CGNL1: variants seen among roughly 807,000 people sequenced by gnomAD.
CGNL1 encodes cingulin like 1.
In CGNL1, 132 loss-of-function variants were observed where a neutral mutation model predicts 141.2. The ratio of observed to expected loss-of-function variants is 0.93; its 90% confidence interval spans 0.81 to 1.08. The LOEUF is 1.08. Ranked by LOEUF, CGNL1 falls within the 50% of genes least tolerant of loss-of-function variation. CGNL1 has a pLI of 0.00. For synonymous variants in CGNL1, 690 were observed against 622.1 expected (o/e 1.11, Z -1.63); for missense variants, 1,870 against 1,588.6 (o/e 1.18, Z -3.01).
At chr15:57,476,661 G>A (rs1595745600) in intron 8 of CGNL1, among the ~76,000 whole-genome samples, 1 of 152,150 alleles carries the variant, frequency 6.6e-6, no homozygotes, top group East Asian at 1.9e-4. Context: ...TTAGAATTCT[G>A]GAAATGTGGG....
Position 57,522,950 on chromosome 15 carries a change from C to A in CGNL1, c.2716-539C>A, listed in dbSNP as rs568170579. 7.5e-4 allele frequency among the ~76,000 whole-genome samples: 115 copies of A among 152,322 alleles called. 1 individual carries two copies. The highest frequency in any genetic ancestry group is 2.1e-3 in the South Asian group (10 of 4,830). On this transcript the variant is annotated intron_variant, in intron 10 of 18. Transcript: ENST00000281282. ...TTTTTGCCTGTGTCTGAGTCCAATTCATGGATTTTGTTGATGACAACTGCC... is the reference window on the plus strand; with the variant it reads ...TTTTTGCCTGTGTCTGAGTCCAATTAATGGATTTTGTTGATGACAACTGCC...
chr15:57,546,841 G>A (rs1325900972), intron 18 of CGNL1, among the ~76,000 whole-genome samples: 2 of 152,086 alleles, frequency 1.3e-5, no homozygotes, highest in Non-Finnish European at 2.9e-5. Context: ...TGGCTGTGAC[G>A]TGGGGCTCTT....
In CGNL1 at chr15:57,425,052, TGA is replaced by T. The variant is rs1261379817; in HGVS notation, c.-15-12930_-15-12929del. ...ACATTAAGTGAACACTAAGAATCGT[TGA>T]GATTTTTTTTTCTTTAGAGGCATCT... On this transcript the variant is annotated intron_variant, in intron 1 of 18. Coordinates refer to ENST00000281282, the MANE Select transcript of CGNL1 (RefSeq NM_032866.5). Among the ~76,000 whole-genome samples the T allele has an allele frequency of 1.8e-3, 280 of 152,326 alleles. 1 individual carries two copies. Among genetic ancestry groups the T allele is most frequent in the African/African-American group, 6.6e-3 (275 of 41,578 alleles).
At chr15:57,455,983 T>C (rs1169249080) in intron 7 of CGNL1, among the ~76,000 whole-genome samples, 1 of 152,244 alleles carries the variant, frequency 6.6e-6, no homozygotes, top group East Asian at 1.9e-4. Context: ...TTCTGCAAGA[T>C]GAGTTAGAGT....
At position 57,470,049 on chromosome 15, in the gene CGNL1, C is replaced by A. The variant is rs532477909; in HGVS notation, c.2403+8157C>A. Among the ~76,000 whole-genome samples, 6 of 152,276 alleles carry A rather than the reference C, an allele frequency of 3.9e-5. No individual in the cohort carries two copies. In the South Asian group the frequency reaches 1.2e-3, roughly 32 times the overall value. On this transcript the variant is annotated intron_variant, in intron 8 of 18. Transcript: ENST00000281282. ...CAGCAAAAATTCCTCATTTCCTCTG[C>A]ATTTTAACTTCAAATAATCAACTTA... is the stretch of plus-strand genomic sequence containing the variant.
chr15:57,467,766 T>G (rs994603081), intron 8 of CGNL1, among the ~76,000 whole-genome samples: 2 of 145,870 alleles, frequency 1.4e-5, no homozygotes, highest in African/African-American at 5.0e-5. Flanking sequence ...CTTGACTCAC[T>G]GCAACCTCTG....
intron 13 of CGNL1, among the ~76,000 whole-genome samples, chr15:57,529,845 A>G (rs1052618517): frequency 6.6e-6 from 1 of 152,236 alleles, no homozygotes; most frequent in African/African-American, 2.4e-5. Context: ...AGCTGTTTAT[A>G]TCTAGGGAGT....
At chr15:57,408,714 G>A (rs1291005272) in intron 1 of CGNL1, among the ~76,000 whole-genome samples, 6 of 151,900 alleles carry the variant, frequency 3.9e-5, no homozygotes, top group South Asian at 2.1e-4. Flanking sequence ...GTTCGTAGAC[G>A]CCCTTTTTAT....
chr15:57,452,227 G>A lies in CGNL1; in HGVS notation c.1992G>A (p.Glu664=). 6.2e-7 allele frequency: 1 copy of A among 1,613,840 alleles called. No homozygotes were observed. The highest frequency in any genetic ancestry group is 8.5e-7 in the Non-Finnish European group (1 of 1,179,770). Residue 664 remains glutamate (E), a synonymous_variant, in exon 6 of 19, where the codon GAG becomes GAA. Coordinates refer to ENST00000281282, the MANE Select transcript of CGNL1 (RefSeq NM_032866.5). ...GCCAACACAACGAAAAGGTGGAGGA[G>A]AACTCCACATTGCAGCAACGACTGG... The part of the protein sequence containing the change: ...LRSQHNEKVE[E]NSTLQQRLEE...
At chr15:57,478,151 C>T (rs1179531510) in intron 8 of CGNL1, 1 of 152,188 alleles carries the variant, frequency 6.6e-6, no homozygotes, top group African/African-American at 2.4e-5. Context: ...GCAGCCAGGA[C>T]CGTGGGCTCA....
At chr15:57,378,862 G>C (rs1028759422) in intron 1 of CGNL1, among the ~76,000 whole-genome samples, 2 of 152,170 alleles carry the variant, frequency 1.3e-5, no homozygotes, top group African/African-American at 4.8e-5. Flanking sequence ...CCACGACCAT[G>C]CTCTGCTGCT....
chr15:57,438,401 C>A lies in CGNL1; in HGVS notation c.402C>A (p.Asp134Glu). ...EGKNGVLDRKDGSVKPSHLLN... is the reference protein window; with the variant it reads ...EGKNGVLDRKEGSVKPSHLLN... ...AGAATGGAGTTCTAGATCGCAAAGA[C>A]GGGTCTGTGAAGCCATCTCACCTGC... Residue 134 changes from aspartate to glutamate, a missense_variant, in exon 2 of 19, where the codon GAC becomes GAA. Coordinates refer to ENST00000281282, the MANE Select transcript of CGNL1 (RefSeq NM_032866.5). 6.2e-7 allele frequency: 1 copy of A among 1,614,182 alleles called. No individual in the cohort carries two copies. Among genetic ancestry groups the A allele is most frequent in the Non-Finnish European group, 8.5e-7 (1 of 1,180,020 alleles).
intron 1 of CGNL1, among the ~76,000 whole-genome samples, chr15:57,399,803 G>T (rs1358757601): frequency 6.6e-6 from 1 of 151,998 alleles, no homozygotes; most frequent in African/African-American, 2.4e-5. Flanking sequence ...GATTGCTTCA[G>T]CCCAGGAGTT....
At position 57,465,383 on chromosome 15, in the gene CGNL1, CTTTTTTTT is replaced by C. The variant is rs11332989; in HGVS notation, c.2403+3509_2403+3516del. ...ACCAACCACTATGGCTAAAAACTGA[CTTTTTTTT>C]TTTTTTTTTTTTTTTTTAAGATGGA... On this transcript the variant is annotated intron_variant, in intron 8 of 18. Transcript: ENST00000281282. Among the ~76,000 whole-genome samples the C allele has an allele frequency of 4.8e-4, 39 of 80,854 alleles. 1 individual carries two copies. The highest frequency in any genetic ancestry group is 1.9e-3 in the Admixed American group (12 of 6,332). The allele number at this position is 80,854 out of a possible 152,430, so 53.0% of individuals were successfully genotyped here.
Position 57,550,226 on chromosome 15 carries a change from A to G in CGNL1, c.*2736A>G, listed in dbSNP as rs2033053117. The G allele has an allele frequency of 6.6e-6, 1 of 152,374 alleles. No individual in the cohort carries two copies. Among genetic ancestry groups the G allele is most frequent in the South Asian group, 2.1e-4 (1 of 4,816 alleles). 9.4% of individuals were successfully genotyped at this position (152,374 alleles called of 1,614,324 possible). On this transcript the variant is annotated 3_prime_UTR_variant, in exon 19 of 19. Transcript: ENST00000281282. ...AAGAGTTGAGACTGAAAGTTAAGAGAAGGGTTTTCAAGTCCCGGCTCATCT... is the reference window on the plus strand; with the variant it reads ...AAGAGTTGAGACTGAAAGTTAAGAGGAGGGTTTTCAAGTCCCGGCTCATCT...
At chr15:57,435,712 A>G (rs2063098522) in intron 1 of CGNL1, among the ~76,000 whole-genome samples, 1 of 152,132 alleles carries the variant, frequency 6.6e-6, no homozygotes, top group Non-Finnish European at 1.5e-5. Flanking sequence ...TGCTACTGGT[A>G]GGAAACTGAA....
chr15:57,493,314 TAGGCA>T (rs1375960004), intron 8 of CGNL1, among the ~76,000 whole-genome samples: 1 of 152,170 alleles, frequency 6.6e-6, no homozygotes, highest in African/African-American at 2.4e-5. Flanking sequence ...ACAGGGTTAC[TAGGCA>T]AGGAGATTTG....
intron 8 of CGNL1, among the ~76,000 whole-genome samples, chr15:57,499,781 G>A (rs1237014741): frequency 6.6e-6 from 1 of 152,164 alleles, no homozygotes; most frequent in African/African-American, 2.4e-5. Context: ...TTATACCAAG[G>A]TCTGTAATTG....
intron 8 of CGNL1, among the ~76,000 whole-genome samples, chr15:57,506,955 A>G (rs1239156950): frequency 6.6e-6 from 1 of 152,202 alleles, no homozygotes; most frequent in Non-Finnish European, 1.5e-5. Flanking sequence ...CACAAAATTC[A>G]TTTTAAGCAT....
Sources: allele counts gnomAD v4.1 joint callset (sites outside exome capture counted in the v4.1 genomes callset), GRCh38; gene constraint gnomAD v4.1.1; transcripts MANE v1.5; gene names NCBI Gene and HGNC (gene_info 2026-07-23, HGNC 2026-07-21).